The following ARHGAP42 variants were observed in gnomAD, a reference collection of about 807,000 sequenced individuals.
ARHGAP42 encodes rho GTPase-activating protein 42.
ARHGAP42 carries 63 observed loss-of-function variants against 125.0 expected under a neutral mutation model. That is an observed-to-expected ratio of 0.50 (90% CI 0.41 to 0.62). ARHGAP42 has a LOEUF of 0.62. Among genes scored for constraint, ARHGAP42 ranks in the 20% least tolerant of loss-of-function variants. ARHGAP42 has a pLI of 0.00. For missense variants in ARHGAP42, 766 were observed against 1,024.2 expected, an observed-to-expected ratio of 0.75 and a Z score of 3.44; for synonymous variants, 339 against 351.0, an observed-to-expected ratio of 0.97 and a Z score of 0.38.
chr11:100,963,632 A>G (rs1467298979), intron 16 of ARHGAP42, among the ~76,000 whole-genome samples: 1 of 152,240 alleles, frequency 6.6e-6, no homozygotes, highest in Non-Finnish European at 1.5e-5. Flanking sequence ...ATATAAATCT[A>G]CACTATTTAG....
Position 100,992,054 on chromosome 11 carries a change from T to C in ARHGAP42, c.*3253T>C. 2 of 466,032 alleles carry C rather than the reference T, an allele frequency of 4.3e-6. No homozygotes were observed. Among genetic ancestry groups the C allele is most frequent in the South Asian group, 8.0e-5 (2 of 25,100 alleles). 28.9% of individuals were successfully genotyped at this position (466,032 alleles called of 1,614,324 possible). ...CAGTGTACCCTGCTCACCTTCTCAC[T>C]CCTAGCACCGTTCTTCTGGTCTGTG... On this transcript the variant is annotated 3_prime_UTR_variant, in exon 24 of 24. Coordinates refer to ENST00000298815, the MANE Select transcript of ARHGAP42 (RefSeq NM_152432.4).
intron 2 of ARHGAP42, among the ~76,000 whole-genome samples, chr11:100,792,759 T>C (rs1863595355): frequency 2.5e-5 from 1 of 40,716 alleles, no homozygotes; most frequent in South Asian, 1.5e-3. Context: ...TTTCTTTTTT[T>C]TTTTTTTTTT....
chr11:100,877,762 T>A (rs142731677), intron 4 of ARHGAP42, among the ~76,000 whole-genome samples: 389 of 152,126 alleles, frequency 2.6e-3, no homozygotes, highest in African/African-American at 8.5e-3. Flanking sequence ...ATCCCAGCAC[T>A]TTGGGAGGCT....
chr11:100,782,366 G>A (rs909359663), intron 2 of ARHGAP42, among the ~76,000 whole-genome samples: 5 of 152,158 alleles, frequency 3.3e-5, no homozygotes, highest in African/African-American at 1.2e-4. Context: ...AAATGTGAAT[G>A]AAATAATAAA....
chr11:100,806,837 G>GTTTGTTTATTTATTTA (rs1170787108), intron 3 of ARHGAP42, among the ~76,000 whole-genome samples: 218 of 149,448 alleles, frequency 1.5e-3, no homozygotes, highest in African/African-American at 5.0e-3. Flanking sequence ...TTGTTTGTTT[G>GTTTGTTTATTTATTTA]TTTATTTATT....
intron 12 of ARHGAP42, among the ~76,000 whole-genome samples, chr11:100,956,350 TTTC>T (rs1213239067): frequency 6.6e-5 from 10 of 152,290 alleles, no homozygotes; most frequent in African/African-American, 2.4e-4. Flanking sequence ...TATAGGTTCA[TTTC>T]TTCTTTATAG....
At chr11:100,909,347 T>TC (rs997819000) in intron 4 of ARHGAP42, among the ~76,000 whole-genome samples, 3 of 149,992 alleles carry the variant, frequency 2.0e-5, no homozygotes, top group Non-Finnish European at 4.4e-5. Flanking sequence ...TCTTGTTTTT[T>TC]TTTTTTTTTC....
intron 6 of ARHGAP42, among the ~76,000 whole-genome samples, chr11:100,928,049 T>A (rs1347798623): frequency 6.6e-6 from 1 of 152,218 alleles, no homozygotes; most frequent in Non-Finnish European, 1.5e-5. Context: ...CAATCTGTAG[T>A]CATTTTGAAG....
At chr11:100,859,489 C>A (rs1865395146) in intron 3 of ARHGAP42, 65 bp from the exon 4 acceptor site, 2 of 1,353,074 alleles carry the variant, frequency 1.5e-6, no homozygotes, top group South Asian at 1.4e-5. Flanking sequence ...ATAAAGTAGC[C>A]ATTTTTTCAA....
chr11:100,834,310 T>A (rs1864730736), intron 3 of ARHGAP42, among the ~76,000 whole-genome samples: 1 of 152,186 alleles, frequency 6.6e-6, no homozygotes, highest in Non-Finnish European at 1.5e-5. Flanking sequence ...ACTCATAGCA[T>A]TTCTTTTATG....
intron 1 of ARHGAP42, among the ~76,000 whole-genome samples, chr11:100,749,064 G>A (rs80333418): frequency 0.061 from 9,296 of 151,960 alleles, 373 homozygotes; most frequent in East Asian, 0.19. Context: ...GGCTTATGCT[G>A]CTGTTCTCCC....
At chr11:100,723,896 T>A (rs1158716858) in intron 1 of ARHGAP42, among the ~76,000 whole-genome samples, 2 of 152,202 alleles carry the variant, frequency 1.3e-5, no homozygotes, top group African/African-American at 4.8e-5. Context: ...AGGTTTTTGG[T>A]AGATCATCTT....
intron 22 of ARHGAP42, among the ~76,000 whole-genome samples, chr11:100,980,496 G>T (rs1188363878): frequency 7.0e-6 from 1 of 143,778 alleles, no homozygotes; most frequent in Non-Finnish European, 1.5e-5. Flanking sequence ...AAATCAGAAA[G>T]CTATCATATA....
intron 22 of ARHGAP42, among the ~76,000 whole-genome samples, chr11:100,986,613 G>A (rs961193616): frequency 6.6e-6 from 1 of 152,118 alleles, no homozygotes; most frequent in African/African-American, 2.4e-5. Flanking sequence ...AAGCCAGGAA[G>A]CCATTTAGCC....
rs1279734768 is a variant in ARHGAP42 at position 100,935,327 on chromosome 11, G to A, written c.703-876G>A. Among the ~76,000 whole-genome samples, 15 of 152,152 alleles carry A rather than the reference G, an allele frequency of 9.9e-5. No homozygotes were observed. In the East Asian group the frequency reaches 2.7e-3, roughly 27 times the overall value. ...TTGCAACAGAAGAAGTTAGAACTTGGAAACCTATTGATTTTTATGAGTTAA... is the reference window on the plus strand; with the variant it reads ...TTGCAACAGAAGAAGTTAGAACTTGAAAACCTATTGATTTTTATGAGTTAA... On this transcript the variant is annotated intron_variant, in intron 7 of 23. Coordinates refer to ENST00000298815, the MANE Select transcript of ARHGAP42 (RefSeq NM_152432.4).
At chr11:100,984,170 A>G (rs1312029365) in intron 22 of ARHGAP42, among the ~76,000 whole-genome samples, 1 of 151,936 alleles carries the variant, frequency 6.6e-6, no homozygotes, top group African/African-American at 2.4e-5. Context: ...TGCCAAAGGA[A>G]CAAATGCAGT....
rs367993283 is a variant in ARHGAP42, at chr11:100,694,609, TCTTC to T, written c.154+6781_154+6784del. 3.3e-4 allele frequency among the ~76,000 whole-genome samples: 50 copies of T among 152,316 alleles called. No homozygotes were observed. The South Asian group carries it at 9.5e-3, about 29-fold the overall frequency. ...CAATTTCACCTTGCAGCTCTGCCAG[TCTTC>T]CTTTTCCTCTAGCCTGCTGAACCTC... On this transcript the variant is annotated intron_variant, in intron 1 of 23. Coordinates refer to ENST00000298815, the MANE Select transcript of ARHGAP42 (RefSeq NM_152432.4).
intron 1 of ARHGAP42, among the ~76,000 whole-genome samples, chr11:100,736,544 C>A (rs573882102): frequency 6.6e-6 from 1 of 152,320 alleles, no homozygotes; most frequent in African/African-American, 2.4e-5. Context: ...TGTCACATCC[C>A]TGCAGGGTGT....
In ARHGAP42 at chr11:100,943,878, G is replaced by T. The variant is rs618155; in HGVS notation, c.1043+10G>T. ...TAGAAGTAGTTGAAAGGTTTGAGCT[G>T]TTCTTTTCACTTTATTTTTTTCATA... On this transcript the variant is annotated intron_variant, in intron 10 of 23. Coordinates refer to ENST00000298815, the MANE Select transcript of ARHGAP42 (RefSeq NM_152432.4). The T allele has an allele frequency of 0.87, 1,313,611 of 1,507,294 alleles. 573,114 individuals are homozygous for T. Among genetic ancestry groups the T allele is most frequent in the East Asian group, 1 (40,452 of 40,488 alleles). 93.4% of individuals were successfully genotyped at this position (1,507,294 alleles called of 1,614,324 possible).
Sources: gnomAD v4.1 joint callset for allele counts (sites outside exome capture counted in the v4.1 genomes callset) on GRCh38, gnomAD v4.1.1 for gene constraint, MANE v1.5 for transcripts, NCBI Gene and HGNC (gene_info 2026-07-23, HGNC 2026-07-21) for gene names.